OLFM3: variants seen among roughly 807,000 people sequenced by gnomAD.
The protein encoded by OLFM3 is noelin-3.
A neutral mutation model predicts 48.6 loss-of-function variants in OLFM3; 20 were observed. The observed-to-expected ratio is 0.41, with a 90% confidence interval of 0.29 to 0.60. The LOEUF is 0.60. OLFM3 is among the 20% of genes least tolerant of loss of function. The probability of loss-of-function intolerance (pLI) is 0.28; values close to 1 mark genes in which losing one functional copy is unlikely to be tolerated. For missense variants in OLFM3, 437 were observed against 544.3 expected (o/e 0.80, Z 1.96); for synonymous variants, 222 against 198.1 (o/e 1.12, Z -1.01).
At chr1:101,900,060 T>G (rs1303205475) in intron 1 of OLFM3, among the ~76,000 whole-genome samples, 1 of 152,188 alleles carries the variant, frequency 6.6e-6, no homozygotes, top group Admixed American at 6.5e-5. Context: ...TATAGGATAT[T>G]CCCTTATTCT....
intron 1 of OLFM3, among the ~76,000 whole-genome samples, chr1:101,974,106 T>G (rs1660884395): frequency 6.6e-6 from 1 of 151,710 alleles, no homozygotes; most frequent in Admixed American, 6.6e-5. Flanking sequence ...CTCATTTCCC[T>G]AACTCGTAGA....
chr1:101,821,153 A>G (rs1393354177), intron 4 of OLFM3, among the ~76,000 whole-genome samples: 1 of 152,030 alleles, frequency 6.6e-6, no homozygotes, highest in African/African-American at 2.4e-5. Flanking sequence ...ATAATTGGGT[A>G]TTTGTTTATG....
intron 1 of OLFM3, among the ~76,000 whole-genome samples, chr1:101,875,687 T>C (rs1657272187): frequency 6.6e-6 from 1 of 151,964 alleles, no homozygotes; most frequent in African/African-American, 2.4e-5. Context: ...AATATTCCAT[T>C]TTGTCTGTCA....
chr1:101,837,157 G>T, intron 1 of OLFM3, 132 bp from the exon 2 acceptor site: 1 of 901,930 alleles, frequency 1.1e-6, no homozygotes, highest in Non-Finnish European at 1.6e-6. Flanking sequence ...AAAGTTAGCA[G>T]AGAGATATTA....
In OLFM3 at chr1:101,928,982, C is replaced by T. The variant is rs558400781; in HGVS notation, c.69+67766G>A. On this transcript the variant is annotated intron_variant, in intron 1 of 5. Transcript: ENST00000370103. ...TCTTACGGCTTCACTTGAGAGCTGC[C>T]CCTTCTATGTAAAGAGCATGCATAG... Among the ~76,000 whole-genome samples, 272 of 152,106 alleles carry T rather than the reference C, an allele frequency of 1.8e-3. 2 individuals are homozygous for T. Among genetic ancestry groups the T allele is most frequent in the African/African-American group, 6.0e-3 (249 of 41,522 alleles).
chr1:101,931,989 G>A (rs1659458554), intron 1 of OLFM3, among the ~76,000 whole-genome samples: 1 of 152,280 alleles, frequency 6.6e-6, no homozygotes, highest in African/African-American at 2.4e-5. Flanking sequence ...TTATTATAGG[G>A]CATGAATGTA....
chr1:101,991,746 G>A (rs577626208), intron 1 of OLFM3, among the ~76,000 whole-genome samples: 2 of 149,936 alleles, frequency 1.3e-5, no homozygotes, highest in East Asian at 3.9e-4. Context: ...CTCTTCAGGG[G>A]AGCAATGTTT....
intron 4 of OLFM3, among the ~76,000 whole-genome samples, chr1:101,815,121 G>A (rs1260258180): frequency 6.6e-6 from 1 of 152,132 alleles, no homozygotes; most frequent in African/African-American, 2.4e-5. Context: ...CTGCACCTTA[G>A]AAAGATCTCT....
At chr1:101,815,716 G>T (rs1044196677) in intron 4 of OLFM3, among the ~76,000 whole-genome samples, 1 of 152,064 alleles carries the variant, frequency 6.6e-6, no homozygotes, top group Non-Finnish European at 1.5e-5. Flanking sequence ...GAATGGGTTT[G>T]GGAGCAAAAA....
intron 1 of OLFM3, among the ~76,000 whole-genome samples, chr1:101,990,002 A>G (rs557360552): frequency 6.6e-6 from 1 of 152,330 alleles, no homozygotes; most frequent in South Asian, 2.1e-4. Flanking sequence ...CACACTGGCC[A>G]TAAAAAACAG....
At chr1:101,960,665 A>G (rs1024789921) in intron 1 of OLFM3, among the ~76,000 whole-genome samples, 1 of 152,126 alleles carries the variant, frequency 6.6e-6, no homozygotes, top group African/African-American at 2.4e-5. Flanking sequence ...TTCTCATTTT[A>G]TATTTATAGA....
intron 4 of OLFM3, 40 bp from the exon 5 acceptor site, chr1:101,806,222 C>G: frequency 7.0e-7 from 1 of 1,429,326 alleles, no homozygotes; most frequent in Non-Finnish European, 9.9e-7. Context: ...GTGAACGCAG[C>G]CAATGATTCC....
chr1:101,845,291 A>G (rs967578632), intron 1 of OLFM3, among the ~76,000 whole-genome samples: 3 of 152,138 alleles, frequency 2.0e-5, no homozygotes, highest in Admixed American at 1.3e-4. Flanking sequence ...CAATTTTTCA[A>G]TCAGTAAGTA....
chr1:101,833,128 G>A (rs907452843), intron 2 of OLFM3, among the ~76,000 whole-genome samples: 2 of 152,148 alleles, frequency 1.3e-5, no homozygotes, highest in African/African-American at 4.8e-5. Context: ...GCAAGATAAG[G>A]TATTCTGGAT....
intron 1 of OLFM3, among the ~76,000 whole-genome samples, chr1:101,844,439 C>CA (rs1655883745): frequency 1.3e-5 from 2 of 152,232 alleles, no homozygotes; most frequent in South Asian, 4.2e-4. Context: ...CAATGACTGG[C>CA]AAAGCAATGG....
chr1:101,816,636 A>G (rs1654350402), intron 4 of OLFM3, among the ~76,000 whole-genome samples: 2 of 152,174 alleles, frequency 1.3e-5, no homozygotes, highest in South Asian at 4.1e-4. Context: ...GAAGTTGGAC[A>G]ATGCCTTATT....
intron 4 of OLFM3, among the ~76,000 whole-genome samples, chr1:101,820,685 T>G (rs1304080324): frequency 1.3e-5 from 2 of 152,052 alleles, no homozygotes; most frequent in South Asian, 2.1e-4. Context: ...TATGATTCCT[T>G]CGGGATCTTA....
chr1:101,958,561 C>T (rs1660369421), intron 1 of OLFM3, among the ~76,000 whole-genome samples: 1 of 152,000 alleles, frequency 6.6e-6, no homozygotes, highest in South Asian at 2.1e-4. Context: ...TCGTAAGTTT[C>T]TTCAGAATAT....
At chr1:101,974,019 T>TA (rs398103097) in intron 1 of OLFM3, among the ~76,000 whole-genome samples, 2 of 151,970 alleles carry the variant, frequency 1.3e-5, no homozygotes, top group African/African-American at 2.4e-5. Flanking sequence ...CTTTTTTTTT[T>TA]AATTTGATTA....
Sources: allele counts gnomAD v4.1 joint callset (sites outside exome capture counted in the v4.1 genomes callset), GRCh38; gene constraint gnomAD v4.1.1; transcripts MANE v1.5; gene names NCBI Gene and HGNC (gene_info 2026-07-23, HGNC 2026-07-21).